SPMIP3: variants seen among roughly 807,000 people sequenced by gnomAD.
The protein encoded by SPMIP3 is protein SPMIP3.
chr1:244,377,009 T>C, the SPMIP3 span, among the ~76,000 whole-genome samples: 12,166 of 152,014 alleles, frequency 0.08, 643 homozygotes, highest in East Asian at 0.16. Context: ...GGTTTCACCA[T>C]GTTGGCCAGG....
At chr1:244,368,221 A>C in the SPMIP3 span, among the ~76,000 whole-genome samples, 2 of 152,322 alleles carry the variant, frequency 1.3e-5, no homozygotes, top group South Asian at 2.1e-4. Flanking sequence ...GGCCTCCCAA[A>C]GTGCTGGGAT....
the SPMIP3 span, among the ~76,000 whole-genome samples, chr1:244,382,607 T>G: frequency 6.8e-6 from 1 of 147,136 alleles, no homozygotes; most frequent in Non-Finnish European, 1.5e-5. Flanking sequence ...GCTGTTTTTT[T>G]TTTTTTTTTT....
chr1:244,357,491 A>C, the SPMIP3 span, among the ~76,000 whole-genome samples: 1 of 151,844 alleles, frequency 6.6e-6, no homozygotes, highest in Non-Finnish European at 1.5e-5. Flanking sequence ...TGGGTGGATC[A>C]CGAGGTCAGG....
the SPMIP3 span, among the ~76,000 whole-genome samples, chr1:244,363,436 A>T: frequency 6.6e-6 from 1 of 151,998 alleles, no homozygotes; most frequent in Non-Finnish European, 1.5e-5. Context: ...ATGTGATATG[A>T]AATTTTAGAC....
At chr1:244,377,314 T>C in the SPMIP3 span, among the ~76,000 whole-genome samples, 1 of 151,642 alleles carries the variant, frequency 6.6e-6, no homozygotes, top group Non-Finnish European at 1.5e-5. Flanking sequence ...TTAGTAGAGA[T>C]GGGGTTTCAC....
the SPMIP3 span, chr1:244,388,847 C>T: frequency 1.1e-6 from 1 of 877,830 alleles, no homozygotes; most frequent in African/African-American, 1.7e-5. Context: ...GTCTTAAACC[C>T]CAAAAGTTAT....
the SPMIP3 span, among the ~76,000 whole-genome samples, chr1:244,381,520 T>C: frequency 1.3e-5 from 2 of 152,330 alleles, no homozygotes; most frequent in Admixed American, 6.5e-5. Flanking sequence ...CCACCTGCTA[T>C]GTATTGTGCC....
At chr1:244,387,235 T>C in the SPMIP3 span, among the ~76,000 whole-genome samples, 2 of 151,804 alleles carry the variant, frequency 1.3e-5, no homozygotes, top group Non-Finnish European at 2.9e-5. Flanking sequence ...GAGGTGGAGG[T>C]TGCAGTGAGC....
the SPMIP3 span, among the ~76,000 whole-genome samples, chr1:244,364,324 C>G: frequency 6.6e-6 from 1 of 152,148 alleles, no homozygotes; most frequent in Admixed American, 6.5e-5. Flanking sequence ...CCAGGATGGT[C>G]TCGATCTCCT....
the SPMIP3 span, among the ~76,000 whole-genome samples, chr1:244,385,863 T>C: frequency 6.6e-6 from 1 of 152,098 alleles, no homozygotes; most frequent in Non-Finnish European, 1.5e-5. Flanking sequence ...AAAGTAATCC[T>C]TGAAAAATAT....
chr1:244,372,494 A>C, the SPMIP3 span, among the ~76,000 whole-genome samples: 10 of 147,842 alleles, frequency 6.8e-5, no homozygotes, highest in African/African-American at 1.0e-4. Context: ...CCCAGGCTGG[A>C]GTGCAGTGGC....
At chr1:244,371,667 C>G in the SPMIP3 span, among the ~76,000 whole-genome samples, 1 of 152,122 alleles carries the variant, frequency 6.6e-6, no homozygotes, top group Non-Finnish European at 1.5e-5. Context: ...TTTGTATGCA[C>G]GCCATGGTCA....
At chr1:244,376,702 T>C in the SPMIP3 span, among the ~76,000 whole-genome samples, 5 of 152,238 alleles carry the variant, frequency 3.3e-5, no homozygotes, top group African/African-American at 2.4e-5. Context: ...TTTAATTCAA[T>C]TGAATGAATT....
the SPMIP3 span, among the ~76,000 whole-genome samples, chr1:244,371,179 A>T: frequency 6.6e-6 from 1 of 152,058 alleles, no homozygotes; most frequent in Non-Finnish European, 1.5e-5. Context: ...TGAATACATC[A>T]CCTCAAAAAG....
the SPMIP3 span, among the ~76,000 whole-genome samples, chr1:244,364,992 A>C: frequency 6.6e-6 from 1 of 152,246 alleles, no homozygotes; most frequent in South Asian, 2.1e-4. Flanking sequence ...ACAAAGAAAT[A>C]TTTAACAGGG....
the SPMIP3 span, among the ~76,000 whole-genome samples, chr1:244,388,134 GC>G: frequency 1.3e-4 from 19 of 151,854 alleles, no homozygotes; most frequent in African/African-American, 4.1e-4. Flanking sequence ...TCACCATGTT[GC>G]CCAGGTTGGT....
chr1:244,377,794 C>CT, the SPMIP3 span, among the ~76,000 whole-genome samples: 1 of 152,072 alleles, frequency 6.6e-6, no homozygotes, highest in Non-Finnish European at 1.5e-5. Context: ...AGTGGTTAGT[C>CT]TAACCAGTTG....
At chr1:244,365,608 A>G in the SPMIP3 span, among the ~76,000 whole-genome samples, 4 of 152,128 alleles carry the variant, frequency 2.6e-5, no homozygotes, top group East Asian at 7.7e-4. Flanking sequence ...GGGCTAATAC[A>G]AGGGGTTAAT....
At chr1:244,383,929 C>T in the SPMIP3 span, among the ~76,000 whole-genome samples, 1 of 152,104 alleles carries the variant, frequency 6.6e-6, no homozygotes, top group Admixed American at 6.6e-5. Flanking sequence ...GTAATGATTA[C>T]AATTTCATTT....
Sources: allele counts gnomAD v4.1 joint callset (sites outside exome capture counted in the v4.1 genomes callset), GRCh38; gene constraint gnomAD v4.1.1; transcripts MANE v1.5; gene names NCBI Gene and HGNC (gene_info 2026-07-23, HGNC 2026-07-21).